The following DYNC2I2 variants were observed in gnomAD, a reference collection of about 807,000 sequenced individuals.
DYNC2I2 encodes dynein 2 intermediate chain 2.
In DYNC2I2, 39 loss-of-function variants were observed where a neutral mutation model predicts 52.0. The observed-to-expected ratio is 0.75, with a 90% CI of 0.58 to 0.98. The LOEUF (loss-of-function observed/expected upper bound fraction) is 0.98. Ranked by LOEUF, DYNC2I2 falls within the 50% of genes least tolerant of loss-of-function variation. The pLI is 0.00. For synonymous variants in DYNC2I2, 359 were observed against 321.1 expected (o/e 1.12, Z -1.26); for missense variants, 743 against 728.4 (o/e 1.02, Z -0.23).
chr9:128,679,625 G>A, the DYNC2I2 span, among the ~76,000 whole-genome samples: 4 of 151,728 alleles, frequency 2.6e-5, no homozygotes, highest in African/African-American at 9.7e-5. Flanking sequence ...CTTTATGTTT[G>A]GCTAACTTTT....
intron 2 of DYNC2I2, among the ~76,000 whole-genome samples, chr9:128,637,393 C>T (rs1860436257): frequency 6.6e-6 from 1 of 152,302 alleles, no homozygotes; most frequent in East Asian, 1.9e-4. Context: ...AACCACCCGA[C>T]GTCACGCTGT....
chr9:128,668,542 G>T, the DYNC2I2 span, among the ~76,000 whole-genome samples: 1 of 150,944 alleles, frequency 6.6e-6, no homozygotes, highest in Non-Finnish European at 1.5e-5. Context: ...AAAAAAAAAG[G>T]CTGGGCGCAG....
Position 128,634,289 on chromosome 9 carries a change from A to T in DYNC2I2, c.1309T>A (p.Tyr437Asn). Residue 437 changes from tyrosine to asparagine, a missense_variant, in exon 8 of 9, where the codon TAT becomes AAT. Physicochemically the swap from Tyr to Asn is moderately radical, Grantham distance 143 (BLOSUM62 -2). Coordinates refer to ENST00000372715, the MANE Select transcript of DYNC2I2 (RefSeq NM_052844.4). Reference sequence around the variant, plus strand: ...GGGGACCAGCGCACAGCAAACAGATACTTGAGGGAGAGCTGCAGCGAAGTC... The same window carrying T: ...GGGGACCAGCGCACAGCAAACAGATTCTTGAGGGAGAGCTGCAGCGAAGTC... ...PLTSLQLSLKYLFAVRWSPVR... is the reference protein window; with the variant it reads ...PLTSLQLSLKNLFAVRWSPVR... 6.2e-7 allele frequency: 1 copy of T among 1,613,798 alleles called. No homozygotes were observed. Among genetic ancestry groups the T allele is most frequent in the Non-Finnish European group, 8.5e-7 (1 of 1,179,986 alleles).
intron 1 of DYNC2I2, among the ~76,000 whole-genome samples, chr9:128,647,473 C>T (rs548397405): frequency 3.3e-5 from 5 of 152,086 alleles, no homozygotes; most frequent in Non-Finnish European, 7.4e-5. Context: ...CTATGGCTCA[C>T]GCCTGCAATC....
chr9:128,657,412 T>C (rs529456512), upstream of DYNC2I2, among the ~76,000 whole-genome samples: 17 of 152,190 alleles, frequency 1.1e-4, no homozygotes, highest in South Asian at 3.5e-3. Flanking sequence ...AAGAATTGCT[T>C]TTTATACTAT....
At chr9:128,664,060 C>T in the DYNC2I2 span, among the ~76,000 whole-genome samples, 92 of 149,988 alleles carry the variant, frequency 6.1e-4, no homozygotes, top group African/African-American at 2.2e-3. Context: ...CCGGTACAAG[C>T]GATTCTCCTG....
At chr9:128,639,939 T>A (rs554877393) in intron 2 of DYNC2I2, among the ~76,000 whole-genome samples, 7 of 152,088 alleles carry the variant, frequency 4.6e-5, no homozygotes, top group African/African-American at 1.7e-4. Context: ...GTGCTGGGAT[T>A]ACAGGCGTGA....
intron 1 of DYNC2I2, among the ~76,000 whole-genome samples, chr9:128,649,544 C>A (rs1047303773): frequency 2.0e-5 from 3 of 151,030 alleles, no homozygotes; most frequent in African/African-American, 7.3e-5. Flanking sequence ...CAAAAAAGAG[C>A]CAGGCCTAGT....
chr9:128,648,458 C>T (rs953385478), intron 1 of DYNC2I2, among the ~76,000 whole-genome samples: 1 of 151,580 alleles, frequency 6.6e-6, no homozygotes, highest in East Asian at 1.9e-4. Context: ...TCTCCTGGGC[C>T]GGGCCCGACC....
At chr9:128,636,697 G>A (rs1025189858) in intron 3 of DYNC2I2, among the ~76,000 whole-genome samples, 2 of 152,290 alleles carry the variant, frequency 1.3e-5, no homozygotes, top group East Asian at 3.9e-4. Context: ...GAGGCAGGCA[G>A]GCCCAGGGCC....
rs1475421092 is a variant in DYNC2I2 at position 128,636,364 on chromosome 9, G to A, written c.620C>T (p.Pro207Leu). 8 of 1,609,424 alleles carry A rather than the reference G, an allele frequency of 5.0e-6. No individual in the cohort carries two copies. Among genetic ancestry groups the A allele is most frequent in the Middle Eastern group, 1.7e-4 (1 of 6,036 alleles). ...CTCCACCACGGCCGACGGCTGCTGG[G>A]GACGCAGGTCTCGCCGGTCCAGGTT... ...AWNLDRRDLR[P>L]QQPSAVVEVP... Residue 207 changes from proline (P) to leucine (L), a missense_variant, in exon 4 of 9, where the codon CCC becomes CTC. Pro to Leu is a moderately conservative substitution (Grantham distance 98). Coordinates refer to ENST00000372715, the MANE Select transcript of DYNC2I2 (RefSeq NM_052844.4).
the DYNC2I2 span, among the ~76,000 whole-genome samples, chr9:128,667,167 C>T: frequency 6.6e-6 from 1 of 151,590 alleles, no homozygotes. Flanking sequence ...CCATTGCACT[C>T]CAGCCTGGGC....
upstream of DYNC2I2, among the ~76,000 whole-genome samples, chr9:128,660,209 C>T (rs534949143): frequency 2.0e-5 from 3 of 151,246 alleles, no homozygotes; most frequent in South Asian, 2.1e-4. Flanking sequence ...CCCGGGTTCA[C>T]GCCGTTCTCC....
chr9:128,645,122 G>A (rs956203100), intron 1 of DYNC2I2, among the ~76,000 whole-genome samples: 3 of 151,852 alleles, frequency 2.0e-5, no homozygotes, highest in East Asian at 3.9e-4. Context: ...AGGCCGAGGC[G>A]GGCAGATCAC....
chr9:128,646,073 G>T (rs987669180), intron 1 of DYNC2I2, among the ~76,000 whole-genome samples: 4 of 152,228 alleles, frequency 2.6e-5, no homozygotes, highest in Non-Finnish European at 5.9e-5. Context: ...TTTAAGGGAA[G>T]AAGCCATCTC....
At chr9:128,675,388 G>T in the DYNC2I2 span, among the ~76,000 whole-genome samples, 2 of 152,034 alleles carry the variant, frequency 1.3e-5, no homozygotes, top group African/African-American at 2.4e-5. Flanking sequence ...TGTTGGCCAG[G>T]CTAGTCTAGT....
chr9:128,682,852 A>G, the DYNC2I2 span, among the ~76,000 whole-genome samples: 1 of 141,522 alleles, frequency 7.1e-6, no homozygotes, highest in Non-Finnish European at 1.5e-5. Context: ...ATTTTTTTGT[A>G]TTTTTAGTAG....
chr9:128,683,620 C>A, the DYNC2I2 span: 2 of 380,102 alleles, frequency 5.3e-6, no homozygotes, highest in Non-Finnish European at 9.6e-6. Context: ...ATCCTCTCCT[C>A]AAGGAAGAAC....
Position 128,656,616 on chromosome 9 carries a change from C to A in DYNC2I2, c.111G>T (p.Pro37=), listed in dbSNP as rs779081076. The stretch of plus-strand genomic sequence containing the variant: ...CCACACCCAGGGTCTCGTCCTGCAG[C>A]GGCCCTGGCCGCCCCGGCCCCGGGC... ...ASGPGPGRPG[P]LQDETLGVAS... Residue 37 remains proline (P), a synonymous_variant, in exon 1 of 9, where the codon CCG becomes CCT. Coordinates refer to ENST00000372715, the MANE Select transcript of DYNC2I2 (RefSeq NM_052844.4). 140 of 1,495,806 alleles carry A rather than the reference C, an allele frequency of 9.4e-5. No homozygotes were observed. Among genetic ancestry groups the A allele is most frequent in the Non-Finnish European group, 1.1e-4 (121 of 1,130,502 alleles). 92.7% of individuals were successfully genotyped at this position (1,495,806 alleles called of 1,614,324 possible). A position where few individuals can be genotyped will look rare whatever the true frequency, so the allele number is the denominator to read the frequency against.
Sources: gnomAD v4.1 joint callset for allele counts (sites outside exome capture counted in the v4.1 genomes callset) on GRCh38, gnomAD v4.1.1 for gene constraint, MANE v1.5 for transcripts, NCBI Gene and HGNC (gene_info 2026-07-23, HGNC 2026-07-21) for gene names.